Variants in ALG13 observed in about 807,000 individuals in gnomAD.
ALG13 encodes the protein UDP-N-acetylglucosamine transferase subunit ALG13.
A neutral mutation model predicts 87.8 loss-of-function variants in ALG13; 11 were observed. The observed-to-expected ratio is 0.13, with a 90% CI of 0.08 to 0.21. ALG13 has a LOEUF of 0.21. ALG13 is among the 10% of genes least tolerant of loss of function. The pLI, the probability that ALG13 is intolerant of heterozygous loss-of-function variation, is 1.00. For missense variants in ALG13, 756 were observed against 866.1 expected (o/e 0.87, Z 1.60); for synonymous variants, 320 against 306.3 (o/e 1.04, Z -0.47).
At chrX:111,693,260 A>AT (rs58191343) in intron 3 of ALG13, among the ~76,000 whole-genome samples, 2,255 of 65,281 alleles carry the variant, frequency 0.035, 77 homozygotes, top group African/African-American at 0.11. Context: ...GATGCTATTT[A>AT]TTTTTTTTTT....
chrX:111,744,516 G>A (rs1010317813), intron 23 of ALG13, among the ~76,000 whole-genome samples, 152 bp from the exon 24 acceptor site: 1 of 111,427 alleles, frequency 9.0e-6, no homozygotes, highest in African/African-American at 3.3e-5. Flanking sequence ...CTAAGAGAAT[G>A]TAGACAATTC....
intron 3 of ALG13, 78 bp downstream of exon 3, chrX:111,685,181 A>G (rs1934622806): frequency 9.7e-7 from 1 of 1,029,039 alleles, no homozygotes; most frequent in East Asian, 3.3e-5. Context: ...TACCTAACCC[A>G]TCTGTCTCTT....
At chrX:111,759,252 T>C (rs1227457883) in intron 26 of ALG13, among the ~76,000 whole-genome samples, 1 of 109,551 alleles carries the variant, frequency 9.1e-6, no homozygotes. Flanking sequence ...GAAATTAAAA[T>C]GTGATCTTAA....
intron 4 of ALG13, among the ~76,000 whole-genome samples, chrX:111,708,607 GT>G (rs1939185563): frequency 9.0e-6 from 1 of 111,223 alleles, no homozygotes; most frequent in Non-Finnish European, 1.9e-5. Context: ...TATCTTTTCT[GT>G]TTTTTTAAAT....
At chrX:111,730,484 A>G in intron 20 of ALG13, 41 bp from the exon 21 acceptor site, 6 of 1,196,836 alleles carry the variant, frequency 5.0e-6, no homozygotes, top group Non-Finnish European at 6.8e-6. Context: ...ATTTCAAGCT[A>G]TAAAATAATG....
intron 2 of ALG13, among the ~76,000 whole-genome samples, chrX:111,684,291 A>G (rs756861206): frequency 2.7e-4 from 29 of 108,660 alleles, no homozygotes; most frequent in Admixed American, 9.8e-5. Flanking sequence ...TATTAAATGC[A>G]TTTTCTATTT....
At position 111,685,329 on chromosome X, in the gene ALG13, A is replaced by T. The variant is rs1237497935; in HGVS notation, c.383+226A>T. ...TGTGGCTGTTTCTTTGCATATGTGAATATCTGAGAGAGTGTGTGTATGTGT... is the reference window on the plus strand; with the variant it reads ...TGTGGCTGTTTCTTTGCATATGTGATTATCTGAGAGAGTGTGTGTATGTGT... On this transcript the variant is annotated intron_variant, in intron 3 of 26. Coordinates refer to ENST00000394780, the MANE Select transcript of ALG13 (RefSeq NM_001099922.3). 6.9e-5 allele frequency: 24 copies of T among 346,820 alleles called. 1 individual carries two copies. In the East Asian group the frequency reaches 1.2e-3, roughly 17 times the overall value. 28.6% of individuals were successfully genotyped at this position (346,820 alleles called of 1,213,427 possible).
intron 24 of ALG13, among the ~76,000 whole-genome samples, chrX:111,749,354 A>C (rs1459121857): frequency 2.7e-5 from 3 of 110,612 alleles, no homozygotes; most frequent in Non-Finnish European, 5.7e-5. Flanking sequence ...AAATCAAATG[A>C]CTGTTTTAAG....
intron 3 of ALG13, among the ~76,000 whole-genome samples, chrX:111,697,493 A>G (rs936839199): frequency 8.9e-6 from 1 of 111,870 alleles, no homozygotes; most frequent in African/African-American, 3.2e-5. Flanking sequence ...GCAAGAGGCA[A>G]TCTTTTAACA....
chrX:111,724,989 G>A lies in ALG13; in HGVS notation c.1657G>A (p.Ala553Thr), dbSNP rs748269324. 6.6e-6 allele frequency: 8 copies of A among 1,210,809 alleles called. No homozygotes were observed. In the South Asian group the frequency reaches 1.4e-4, roughly 21 times the overall value. ...AGTTACCCAAGTGATGTCTGTTCCTGCCTGGAATGCTATGCCCAGTCGGAA... is the reference window on the plus strand; with the variant it reads ...AGTTACCCAAGTGATGTCTGTTCCTACCTGGAATGCTATGCCCAGTCGGAA... ...KPVTQVMSVP[A>T]WNAMPSRKGR... is the part of the protein sequence containing the mutation. The change falls in exon 15 of 27, where the codon GCC (alanine) becomes ACC (threonine). Residue 553 changes from alanine (A) to threonine (T), a missense_variant. Around this residue, in one of 9 missense-constraint regions of ALG13, gnomAD observed 362 missense variants for 383.5 expected, o/e 0.94. Coordinates refer to ENST00000394780, the MANE Select transcript of ALG13 (RefSeq NM_001099922.3).
intron 3 of ALG13, among the ~76,000 whole-genome samples, chrX:111,701,729 T>G (rs1034857278): frequency 8.9e-6 from 1 of 111,934 alleles, no homozygotes; most frequent in Non-Finnish European, 1.9e-5. Context: ...AACTTTAGGT[T>G]GTTCTTTTTC....
intron 5 of ALG13, among the ~76,000 whole-genome samples, chrX:111,710,305 C>A (rs1283487831): frequency 9.0e-6 from 1 of 111,137 alleles, no homozygotes; most frequent in Non-Finnish European, 1.9e-5. Context: ...AGTGCTGGGA[C>A]TACAAGTGTG....
intron 23 of ALG13, among the ~76,000 whole-genome samples, chrX:111,742,148 A>C (rs1943801473): frequency 1.8e-5 from 2 of 111,908 alleles, no homozygotes; most frequent in African/African-American, 3.2e-5. Flanking sequence ...GATCTTCTTT[A>C]CTAGATCTGG....
At chrX:111,692,801 A>AT (rs756661779) in intron 3 of ALG13, among the ~76,000 whole-genome samples, 2,309 of 109,347 alleles carry the variant, frequency 0.021, 41 homozygotes, top group African/African-American at 0.063. Context: ...TTACCAAACA[A>AT]TTTTTTTTTT....
intron 24 of ALG13, among the ~76,000 whole-genome samples, chrX:111,749,594 T>A (rs1331381139): frequency 7.3e-5 from 8 of 110,335 alleles, no homozygotes; most frequent in African/African-American, 2.6e-4. Flanking sequence ...ATGGTCTCTT[T>A]GAATTCATGA....
intron 26 of ALG13, among the ~76,000 whole-genome samples, chrX:111,758,574 T>C (rs752435232): frequency 1.8e-5 from 2 of 112,471 alleles, no homozygotes; most frequent in South Asian, 7.3e-4. Context: ...TGTCAACATT[T>C]GGAAGATCTG....
intron 3 of ALG13, among the ~76,000 whole-genome samples, chrX:111,691,202 G>A (rs894424920): frequency 9.0e-6 from 1 of 110,998 alleles, no homozygotes; most frequent in Non-Finnish European, 1.9e-5. Flanking sequence ...CCAGTTTCAA[G>A]TGATTCTCCT....
intron 8 of ALG13, among the ~76,000 whole-genome samples, chrX:111,717,553 T>C (rs1940799659): frequency 9.2e-6 from 1 of 108,208 alleles, no homozygotes; most frequent in Non-Finnish European, 1.9e-5. Flanking sequence ...TTTTTTTTTT[T>C]TTTTTTTAGC....
intron 3 of ALG13, among the ~76,000 whole-genome samples, chrX:111,687,021 G>A (rs1017711149): frequency 1.8e-5 from 2 of 111,279 alleles, no homozygotes; most frequent in Non-Finnish European, 3.8e-5. Flanking sequence ...GCAATGGTGC[G>A]ATCTCGGCTC....
Sources: allele counts gnomAD v4.1 joint callset (sites outside exome capture counted in the v4.1 genomes callset), GRCh38; gene constraint gnomAD v4.1.1; regional missense constraint gnomAD v4.1.1; transcripts MANE v1.5; gene names NCBI Gene and HGNC (gene_info 2026-07-23, HGNC 2026-07-21).